The following SUGCT variants were observed in gnomAD, a reference collection of about 807,000 sequenced individuals.
The protein encoded by SUGCT is succinyl-CoA:glutarate-CoA transferase, also known as succinyl-CoA:glutarate CoA-transferase.
In SUGCT, 41 loss-of-function variants were observed where a neutral mutation model predicts 55.0. The observed-to-expected ratio is 0.74, with a 90% CI of 0.58 to 0.97. The LOEUF (loss-of-function observed/expected upper bound fraction) is 0.97, where lower values mean the gene tolerates loss of function less well. SUGCT is among the 50% of genes least tolerant of loss of function. The pLI is 0.00. For synonymous variants in SUGCT, 187 were observed against 200.4 expected (o/e 0.93, Z 0.56); for missense variants, 568 against 547.8 (o/e 1.04, Z -0.37).
chr7:40,193,840 A>T (rs1786087461), intron 5 of SUGCT, among the ~76,000 whole-genome samples: 1 of 151,874 alleles, frequency 6.6e-6, no homozygotes, highest in African/African-American at 2.4e-5. Context: ...ACCTCAAATG[A>T]TCTGCCCCCC....
At chr7:40,374,510 G>A (rs1382686360) in intron 9 of SUGCT, among the ~76,000 whole-genome samples, 1 of 152,120 alleles carries the variant, frequency 6.6e-6, no homozygotes, top group African/African-American at 2.4e-5. Context: ...AATTTTCTGG[G>A]AGGAATTGTT....
At chr7:41,011,025 T>A in the SUGCT span, among the ~76,000 whole-genome samples, 1 of 152,204 alleles carries the variant, frequency 6.6e-6, no homozygotes, top group Admixed American at 6.5e-5. Context: ...AATAGGCATA[T>A]CTTTCCCTTT....
At chr7:40,334,677 A>G (rs1796573478) in intron 9 of SUGCT, among the ~76,000 whole-genome samples, 1 of 152,142 alleles carries the variant, frequency 6.6e-6, no homozygotes, top group African/African-American at 2.4e-5. Flanking sequence ...AGTAGATTGC[A>G]AAAATTTTCT....
intron 11 of SUGCT, among the ~76,000 whole-genome samples, chr7:40,477,089 T>C (rs529198392): frequency 4.7e-4 from 71 of 152,218 alleles, no homozygotes; most frequent in Non-Finnish European, 9.6e-4. Flanking sequence ...GAAACAGTAT[T>C]TGAGATAAAT....
At chr7:40,672,898 A>G (rs1420062783) in intron 12 of SUGCT, among the ~76,000 whole-genome samples, 2 of 152,192 alleles carry the variant, frequency 1.3e-5, no homozygotes, top group Non-Finnish European at 2.9e-5. Flanking sequence ...TGTATAAATG[A>G]TAAATGTGTT....
At position 40,858,334 on chromosome 7, in the gene SUGCT, C is replaced by T. The variant is rs562194554; in HGVS notation, c.1154-1982C>T. ...AGGAGAATTCCTTGAATCTGGGAGG[C>T]GGAGGTTGTGGTGAGCCAAGATCAT... On this transcript the variant is annotated intron_variant, in intron 13 of 13. Transcript: ENST00000335693. Among the ~76,000 whole-genome samples, 30 of 127,916 alleles carry T rather than the reference C, an allele frequency of 2.3e-4. No homozygotes were observed. In the Admixed American group the frequency reaches 2.5e-3, roughly 10 times the overall value. The allele number at this position is 127,916 out of a possible 152,430, so 83.9% of individuals were successfully genotyped here. A position where few individuals can be genotyped will look rare whatever the true frequency, so the allele number is the denominator to read the frequency against.
chr7:40,285,738 A>T (rs551749275), intron 8 of SUGCT, among the ~76,000 whole-genome samples: 1 of 152,280 alleles, frequency 6.6e-6, no homozygotes, highest in South Asian at 2.1e-4. Context: ...CAGAATGGGT[A>T]TGAGGTATAA....
the SUGCT span, among the ~76,000 whole-genome samples, chr7:40,934,252 G>T: frequency 6.6e-6 from 1 of 152,108 alleles, no homozygotes; most frequent in Non-Finnish European, 1.5e-5. Flanking sequence ...TGTTTTCCTG[G>T]GTATCACCAG....
At chr7:40,972,795 T>C in the SUGCT span, among the ~76,000 whole-genome samples, 1 of 152,200 alleles carries the variant, frequency 6.6e-6, no homozygotes, top group South Asian at 2.1e-4. Context: ...CTACATATCC[T>C]TGGGATAATT....
intron 9 of SUGCT, among the ~76,000 whole-genome samples, chr7:40,367,752 A>T (rs781424987): frequency 2.6e-4 from 40 of 152,020 alleles, no homozygotes; most frequent in East Asian, 1.9e-4. Flanking sequence ...GTGGTCTGTT[A>T]TCTCTCCCTT....
At chr7:40,683,063 T>G (rs1043853777) in intron 12 of SUGCT, among the ~76,000 whole-genome samples, 4 of 152,190 alleles carry the variant, frequency 2.6e-5, no homozygotes, top group African/African-American at 9.6e-5. Context: ...TCACTTTATA[T>G]CAGTAAATTA....
intron 3 of SUGCT, among the ~76,000 whole-genome samples, chr7:40,186,955 A>G (rs1387133171): frequency 6.6e-6 from 1 of 152,204 alleles, no homozygotes; most frequent in Non-Finnish European, 1.5e-5. Flanking sequence ...CATGGCAGCT[A>G]GTTAAAAATT....
chr7:40,169,282 G>T (rs181691675), intron 1 of SUGCT, among the ~76,000 whole-genome samples: 2 of 152,294 alleles, frequency 1.3e-5, no homozygotes. Context: ...TAGTGGCTGG[G>T]AGAAGTATCT....
At chr7:40,316,688 A>T in intron 8 of SUGCT, 72 bp from the exon 9 acceptor site, 1 of 990,106 alleles carries the variant, frequency 1.0e-6, no homozygotes, top group Non-Finnish European at 1.5e-6. Context: ...TACTTTCATA[A>T]TATAACGTTC....
intron 12 of SUGCT, among the ~76,000 whole-genome samples, chr7:40,712,688 T>A (rs534283209): frequency 6.6e-6 from 1 of 152,374 alleles, no homozygotes; most frequent in Admixed American, 6.5e-5. Context: ...ATCCAACATT[T>A]CAACATTCAG....
At chr7:40,638,797 T>G (rs1164170160) in intron 12 of SUGCT, among the ~76,000 whole-genome samples, 1 of 152,094 alleles carries the variant, frequency 6.6e-6, no homozygotes, top group African/African-American at 2.4e-5. Context: ...AGGTCATGAC[T>G]GGGTGAAGGA....
At chr7:40,814,018 C>G (rs1187970316) in intron 13 of SUGCT, among the ~76,000 whole-genome samples, 1 of 152,062 alleles carries the variant, frequency 6.6e-6, no homozygotes, top group Non-Finnish European at 1.5e-5. Flanking sequence ...ACTCTTTTTC[C>G]TTAGGAATGC....
intron 12 of SUGCT, among the ~76,000 whole-genome samples, chr7:40,575,369 G>A (rs982024363): frequency 6.6e-6 from 1 of 151,948 alleles, no homozygotes; most frequent in Non-Finnish European, 1.5e-5. Flanking sequence ...ACTAACCACC[G>A]AAAGATAGTT....
chr7:40,228,848 A>AT (rs376224945), intron 6 of SUGCT, among the ~76,000 whole-genome samples: 1,830 of 148,502 alleles, frequency 0.012, 38 homozygotes, highest in African/African-American at 0.042. Context: ...AGTGATGGCT[A>AT]TTTTTTTTTT....
Sources: allele counts gnomAD v4.1 joint callset (sites outside exome capture counted in the v4.1 genomes callset), GRCh38; gene constraint gnomAD v4.1.1; transcripts MANE v1.5; gene names NCBI Gene and HGNC (gene_info 2026-07-23, HGNC 2026-07-21).